Variants in PACSIN2 observed in about 807,000 individuals in gnomAD.
The protein encoded by PACSIN2 is protein kinase C and casein kinase substrate in neurons protein 2.
In PACSIN2, 25 loss-of-function variants were observed where a neutral mutation model predicts 63.8. The ratio of observed to expected loss-of-function variants is 0.39; its 90% CI spans 0.29 to 0.55. The LOEUF (loss-of-function observed/expected upper bound fraction) is 0.55, where lower values mean the gene tolerates loss of function less well. Among genes scored for constraint, PACSIN2 ranks in the 20% least tolerant of loss-of-function variants. The probability of loss-of-function intolerance (pLI) is 0.62; values close to 1 mark genes in which losing one functional copy is unlikely to be tolerated. For synonymous variants in PACSIN2, 255 were observed against 256.2 expected (o/e 1.00, Z 0.05); for missense variants, 518 against 646.9 (o/e 0.80, Z 2.16).
At chr22:42,970,123 C>A (rs1921142491) in intron 1 of PACSIN2, among the ~76,000 whole-genome samples, 1 of 152,152 alleles carries the variant, frequency 6.6e-6, no homozygotes, top group Admixed American at 6.5e-5. Flanking sequence ...AGGCACAAAG[C>A]AAGCAGAGCA....
chr22:42,997,635 T>C lies in PACSIN2; in HGVS notation c.-78+17386A>G, dbSNP rs17003445. ...GAATACATTGAATTGCATGCAAAAA[T>C]GTCTGAGTCCATTTCTAGGGGGAAA... On this transcript the variant is annotated intron_variant, in intron 1 of 10. Transcript: ENST00000263246. 3.3e-3 allele frequency among the ~76,000 whole-genome samples: 500 copies of C among 151,400 alleles called. 17 individuals carry two copies. In the East Asian group the frequency reaches 0.083, roughly 25 times the overall value.
intron 1 of PACSIN2, among the ~76,000 whole-genome samples, chr22:42,914,276 G>A (rs189608918): frequency 6.9e-4 from 105 of 152,192 alleles, no homozygotes; most frequent in African/African-American, 2.4e-3. Flanking sequence ...TCTGTTGCCC[G>A]GGCTGGAGTG....
chr22:42,884,607 C>A (rs771508638), intron 5 of PACSIN2, 46 bp from the exon 6 acceptor site: 8 of 1,547,714 alleles, frequency 5.2e-6, no homozygotes, highest in Non-Finnish European at 7.1e-6. Context: ...TTCCATTTAG[C>A]CCTTGGCTCA....
chr22:42,888,934 CAT>C, intron 4 of PACSIN2, 136 bp from the exon 5 acceptor site: 1 of 790,178 alleles, frequency 1.3e-6, no homozygotes, highest in Non-Finnish European at 2.1e-6. Flanking sequence ...TGTATACTAT[CAT>C]AGCAACCAGT....
In PACSIN2 at chr22:42,884,438, G is replaced by A. The variant is rs376903593; in HGVS notation, c.733C>T (p.Arg245Trp). ...QFEEKRLRFF[R>W]EVLLEVQKHL... ...TTCTGAACCTCCAGCAGAACCTCCCGGAAGAAGCGAAGGCGTTTCTCCTCG... is the reference window on the plus strand; with the variant it reads ...TTCTGAACCTCCAGCAGAACCTCCCAGAAGAAGCGAAGGCGTTTCTCCTCG... Residue 245 changes from arginine (R) to tryptophan (W), a missense_variant, in exon 6 of 11, where the codon CGG becomes TGG. By Grantham distance (101) the Arg-to-Trp change is moderately radical. This residue lies in a region of PACSIN2 where 507 missense variants were observed against 612.3 expected (regional missense o/e 0.83). Coordinates refer to ENST00000263246, the MANE Select transcript of PACSIN2 (RefSeq NM_001184970.3). 1.8e-4 allele frequency: 294 copies of A among 1,614,202 alleles called. No homozygotes were observed. The highest frequency in any genetic ancestry group is 1.4e-3 in the South Asian group (123 of 91,084).
At position 43,007,738 on chromosome 22, in the gene PACSIN2, G is replaced by A. The variant is rs1213624106; in HGVS notation, c.-78+7283C>T. ...GCCACAATGAAAAGAGAAGTTTCCA[G>A]GCCTGCTGCCTATACTGAGCTGCCT... is the stretch of plus-strand genomic sequence containing the variant. On this transcript the variant is annotated intron_variant, in intron 1 of 10. Coordinates refer to ENST00000263246, the MANE Select transcript of PACSIN2 (RefSeq NM_001184970.3). 2.0e-5 allele frequency among the ~76,000 whole-genome samples: 3 copies of A among 152,166 alleles called. No individual in the cohort carries two copies. In the East Asian group the frequency reaches 5.8e-4, roughly 29 times the overall value.
chr22:43,013,154 C>A (rs1924615683), intron 1 of PACSIN2, among the ~76,000 whole-genome samples: 1 of 152,188 alleles, frequency 6.6e-6, no homozygotes, highest in Non-Finnish European at 1.5e-5. Context: ...GATAAAGTTC[C>A]AAGTCCCAAA....
intron 2 of PACSIN2, among the ~76,000 whole-genome samples, chr22:42,907,927 A>T (rs1456569146): frequency 6.6e-6 from 1 of 152,362 alleles, no homozygotes; most frequent in Middle Eastern, 3.4e-3. Context: ...GCAGTGCTAG[A>T]GTCTGAGAGA....
At chr22:42,909,680 GGAGCATAAGA>G in intron 2 of PACSIN2, 1 of 443,538 alleles carries the variant, frequency 2.3e-6, no homozygotes, top group Middle Eastern at 3.4e-4. Flanking sequence ...AATTTAACAG[GGAGCATAAGA>G]GCTTAATTAC....
At chr22:42,914,527 T>C (rs1333732161) in intron 1 of PACSIN2, among the ~76,000 whole-genome samples, 1 of 152,162 alleles carries the variant, frequency 6.6e-6, no homozygotes, top group African/African-American at 2.4e-5. Flanking sequence ...GAGCCTTTTT[T>C]CTATGGAATC....
intron 1 of PACSIN2, among the ~76,000 whole-genome samples, chr22:42,994,730 T>C (rs1397571570): frequency 1.3e-5 from 2 of 152,162 alleles, no homozygotes; most frequent in Non-Finnish European, 2.9e-5. Context: ...ACAGTCACAC[T>C]GGAAAAAGGG....
chr22:42,881,122 G>A (rs1205461073), intron 7 of PACSIN2, among the ~76,000 whole-genome samples: 1 of 152,188 alleles, frequency 6.6e-6, no homozygotes, highest in Non-Finnish European at 1.5e-5. Flanking sequence ...GCAGGGGAGT[G>A]CTCGGCAGCA....
At chr22:42,900,116 C>T (rs1365812089) in intron 2 of PACSIN2, among the ~76,000 whole-genome samples, 3 of 151,932 alleles carry the variant, frequency 2.0e-5, no homozygotes, top group Admixed American at 6.6e-5. Flanking sequence ...GGAGCACCAG[C>T]GTGGAGCACC....
At chr22:42,882,391 TG>T (rs1369150667) in intron 6 of PACSIN2, 87 bp from the exon 7 acceptor site, 1 of 1,446,422 alleles carries the variant, frequency 6.9e-7, no homozygotes, top group African/African-American at 1.4e-5. Context: ...GCAGGTCCCG[TG>T]GTCTCTGCCC....
chr22:42,888,525 T>G, intron 5 of PACSIN2, 118 bp downstream of exon 5: 1 of 989,592 alleles, frequency 1.0e-6, no homozygotes, highest in Non-Finnish European at 1.5e-6. Context: ...GTGTGTTTTA[T>G]TGGTTATTTA....
chr22:42,994,110 A>T (rs1331914310), intron 1 of PACSIN2, among the ~76,000 whole-genome samples: 2 of 152,216 alleles, frequency 1.3e-5, no homozygotes, highest in Non-Finnish European at 2.9e-5. Context: ...AATCCTTCTG[A>T]TATTGCGCCA....
In PACSIN2 at chr22:42,879,143, G is replaced by A. The variant is rs1302096317; in HGVS notation, c.933C>T (p.Thr311=). The part of the protein sequence containing the change: ...FEEWSADLNR[T]LSRREKKKAT... ...CCTTCTTCTTCTCTCTCCGGCTGAG[G>A]GTTCGATTCAGGTCTGCGGACCACT... The change falls in exon 8 of 11, where the codon ACC becomes ACT. Residue 311 remains threonine, a synonymous_variant. Transcript: ENST00000263246. 1.2e-6 allele frequency: 2 copies of A among 1,613,898 alleles called. No homozygotes were observed. The highest frequency in any genetic ancestry group is 1.3e-5 in the African/African-American group (1 of 74,940).
chr22:42,988,873 G>A (rs1215698937), intron 1 of PACSIN2, among the ~76,000 whole-genome samples: 1 of 129,080 alleles, frequency 7.7e-6, no homozygotes, highest in Non-Finnish European at 1.6e-5. Context: ...TGATCTGAAA[G>A]GTGGTCAAAG....
At chr22:42,941,600 A>G (rs1382544444) in intron 1 of PACSIN2, among the ~76,000 whole-genome samples, 1 of 152,184 alleles carries the variant, frequency 6.6e-6, no homozygotes, top group Non-Finnish European at 1.5e-5. Flanking sequence ...GTGGGAAGTG[A>G]TATCTCATTG....
Sources: gnomAD v4.1 joint callset for allele counts (sites outside exome capture counted in the v4.1 genomes callset) on GRCh38, gnomAD v4.1.1 for gene constraint, gnomAD v4.1.1 regional missense constraint, MANE v1.5 for transcripts, NCBI Gene and HGNC (gene_info 2026-07-23, HGNC 2026-07-21) for gene names.